Variants in ABR observed in about 807,000 individuals in gnomAD.
The protein encoded by ABR is active breakpoint cluster region-related protein.
In ABR, 35 loss-of-function variants were observed where a neutral mutation model predicts 107.2. The ratio of observed to expected loss-of-function variants is 0.33; its 90% confidence interval spans 0.25 to 0.43. ABR has a LOEUF of 0.43. Among genes scored for constraint, ABR ranks in the 20% least tolerant of loss-of-function variants. ABR has a pLI of 1.00. For missense variants in ABR, 815 were observed against 1,115.2 expected (o/e 0.73, Z 3.83); for synonymous variants, 498 against 462.0 (o/e 1.08, Z -1.00).
Position 1,125,337 on chromosome 17 carries a change from CCGT to C in ABR, c.89_91del (p.Asp30del), listed in dbSNP as rs1473492394. 3 of 1,613,784 alleles carry C rather than the reference CCGT, an allele frequency of 1.9e-6. No homozygotes were observed. Among genetic ancestry groups the C allele is most frequent in the Non-Finnish European group, 2.5e-6 (3 of 1,179,990 alleles). On this transcript the variant is annotated inframe_deletion, in exon 2 of 23. Coordinates refer to ENST00000302538, the MANE Select transcript of ABR (RefSeq NM_021962.5). ...CCCCTTCTGCTCCTCATTCCCCTCT[CCGT>C]CGTACTCGTCCGTCCCGTAGCTGAA...
chr17:1,130,732 G>A (rs948134652), intron 1 of ABR, among the ~76,000 whole-genome samples: 13 of 152,162 alleles, frequency 8.5e-5, no homozygotes, highest in Non-Finnish European at 1.9e-4. Context: ...TAACCGGTGG[G>A]TCCTAAATCC....
Position 1,210,002 on chromosome 17 carries a change from A to G in ABR, c.838+18791T>C, listed in dbSNP as rs1168060121. Among the ~76,000 whole-genome samples, 1 of 152,250 alleles carries G rather than the reference A, an allele frequency of 6.6e-6. No individual in the cohort carries two copies. Among genetic ancestry groups the G allele is most frequent in the African/African-American group, 2.4e-5 (1 of 41,460 alleles). On this transcript the variant is annotated intron_variant, in intron 1 of 22. Transcript: ENST00000574139. This position sits in a 1 kb window ranked among gnomAD's most constrained non-coding sequence, Gnocchi z 5.6. ...GCTGAAGAAAACAGATACATATGCC[A>G]AAGTGCCTTCAGAACCTCCAACAAA...
intron 1 of ABR, among the ~76,000 whole-genome samples, chr17:1,209,623 AC>A (rs2042864731): frequency 6.6e-6 from 1 of 150,658 alleles, no homozygotes; most frequent in African/African-American, 2.4e-5. Flanking sequence ...CCCAGAACTG[AC>A]CTCTCGTGGT....
At chr17:1,077,709 ACAAGGAGCTC>A (rs1405322663) in intron 6 of ABR, among the ~76,000 whole-genome samples, 1 of 152,282 alleles carries the variant, frequency 6.6e-6, no homozygotes, top group African/African-American at 2.4e-5. Flanking sequence ...TCAGCCTTCG[ACAAGGAGCTC>A]CAAGGAGCTC....
chr17:1,129,884 T>C lies in ABR; in HGVS notation c.62-4517A>G, dbSNP rs192851840. Among the ~76,000 whole-genome samples, 374 of 151,508 alleles carry C rather than the reference T, an allele frequency of 2.5e-3. 2 individuals are homozygous for C. The highest frequency in any genetic ancestry group is 0.017 in the Middle Eastern group (5 of 294). ...ACTGCTTGAACCCGGGAGGTGGGGG[T>C]TGTGATGAGCTGAGATTGCACCATT... On this transcript the variant is annotated intron_variant, in intron 1 of 22. Transcript: ENST00000302538.
chr17:1,167,511 C>T (rs931042424), intron 1 of ABR, among the ~76,000 whole-genome samples: 2 of 151,912 alleles, frequency 1.3e-5, no homozygotes, highest in South Asian at 2.1e-4. Context: ...GGGAGTAAGC[C>T]GAGGAGCTTT....
At chr17:1,049,110 A>C (rs1182943422) in intron 16 of ABR, among the ~76,000 whole-genome samples, 1 of 152,224 alleles carries the variant, frequency 6.6e-6, no homozygotes. Context: ...CAGGCTGCAC[A>C]CACAGAGGCC....
Position 1,070,992 on chromosome 17 carries a change from G to A in ABR, c.895-902C>T, listed in dbSNP as rs866080279. 8.5e-5 allele frequency among the ~76,000 whole-genome samples: 13 copies of A among 152,058 alleles called. No homozygotes were observed. Among genetic ancestry groups the A allele is most frequent in the African/African-American group, 3.1e-4 (13 of 41,384 alleles). ...AGCCTGGCCAACGTGGCGAAACCCC[G>A]TCTCTACTAAAAATACAAAAACTAG... is the stretch of plus-strand genomic sequence containing the variant. On this transcript the variant is annotated intron_variant, in intron 8 of 22. Coordinates refer to ENST00000302538, the MANE Select transcript of ABR (RefSeq NM_021962.5). This position sits in a 1 kb window ranked among gnomAD's most constrained non-coding sequence, Gnocchi z 4.2.
rs1414787180 is a variant in ABR at position 1,200,287 on chromosome 17, C to G, written c.838+28506G>C. 6.6e-6 allele frequency among the ~76,000 whole-genome samples: 1 copy of G among 152,084 alleles called. No individual in the cohort carries two copies. On this transcript the variant is annotated intron_variant, in intron 1 of 22. Coordinates refer to the ABR transcript ENST00000574139. The surrounding 1 kb of genome is among the most constrained non-coding windows in gnomAD (Gnocchi z 4.1). The stretch of plus-strand genomic sequence containing the variant: ...GGTCGGGGGCAGGCATGGTGACTCA[C>G]GCCTGTAATCCCAACACTTTCGGAC...
intron 16 of ABR, among the ~76,000 whole-genome samples, chr17:1,028,934 G>A (rs573261473): frequency 1.2e-4 from 19 of 152,096 alleles, no homozygotes; most frequent in African/African-American, 2.9e-4. Flanking sequence ...GGGATGCTGC[G>A]GGGGCAGGGT....
chr17:1,083,860 G>T, intron 4 of ABR: 1 of 502,610 alleles, frequency 2.0e-6, no homozygotes, highest in Non-Finnish European at 3.6e-6. Flanking sequence ...GTCTGGGGTT[G>T]GGGAGACCAG....
intron 16 of ABR, among the ~76,000 whole-genome samples, chr17:1,021,450 C>T (rs1441125358): frequency 6.6e-6 from 1 of 152,242 alleles, no homozygotes; most frequent in African/African-American, 2.4e-5. Flanking sequence ...ACCCTCTGAG[C>T]CCCGGCATCC....
chr17:1,070,848 A>G lies in ABR; in HGVS notation c.895-758T>C, dbSNP rs541044339. On this transcript the variant is annotated intron_variant, in intron 8 of 22. Coordinates refer to ENST00000302538, the MANE Select transcript of ABR (RefSeq NM_021962.5). This position sits in a 1 kb window ranked among gnomAD's most constrained non-coding sequence, Gnocchi z 4.2. Reference sequence around the variant, plus strand: ...CTACATCTGCTGTAATACGTAGGTGAGCGTATTCAAAGTATACAATTAAGA... The same window carrying G: ...CTACATCTGCTGTAATACGTAGGTGGGCGTATTCAAAGTATACAATTAAGA... 6.6e-6 allele frequency among the ~76,000 whole-genome samples: 1 copy of G among 152,286 alleles called. No individual in the cohort carries two copies. Among genetic ancestry groups the G allele is most frequent in the Admixed American group, 6.5e-5 (1 of 15,290 alleles).
At chr17:1,191,611 C>T (rs1036901349), upstream of ABR, among the ~76,000 whole-genome samples, 2 of 152,110 alleles carry the variant, frequency 1.3e-5, no homozygotes, top group African/African-American at 4.8e-5. Context: ...CTGCCTTGGC[C>T]TCCCAAAGTG....
Position 1,084,485 on chromosome 17 carries a change from C to G in ABR, c.532-858G>C, listed in dbSNP as rs972926521. Among the ~76,000 whole-genome samples the G allele has an allele frequency of 2.6e-5, 4 of 152,222 alleles. No individual in the cohort carries two copies. Among genetic ancestry groups the G allele is most frequent in the Non-Finnish European group, 1.5e-5 (1 of 68,042 alleles). On this transcript the variant is annotated intron_variant, in intron 4 of 22. Coordinates refer to ENST00000302538, the MANE Select transcript of ABR (RefSeq NM_021962.5). This position sits in a 1 kb window ranked among gnomAD's most constrained non-coding sequence, Gnocchi z 4.2. ...CTCTACCTCCAAGGAGCCAAAGCCC[C>G]AGCCTCACTACACGTTTGCCTGTCA...
At chr17:1,195,673 G>A (rs2042546048) in intron 1 of ABR, among the ~76,000 whole-genome samples, 1 of 151,328 alleles carries the variant, frequency 6.6e-6, no homozygotes, top group Non-Finnish European at 1.5e-5. Flanking sequence ...GCGTGGTGGT[G>A]GGCGCCTGTA....
intron 16 of ABR, among the ~76,000 whole-genome samples, chr17:1,025,786 T>C (rs527351469): frequency 6.6e-6 from 1 of 152,332 alleles, no homozygotes; most frequent in Admixed American, 6.5e-5. Context: ...GGCAAGGATC[T>C]CATTTGTTGA....
chr17:1,112,125 A>G (rs1175658992), intron 2 of ABR, among the ~76,000 whole-genome samples: 1 of 151,948 alleles, frequency 6.6e-6, no homozygotes, highest in Non-Finnish European at 1.5e-5. Context: ...GTACTTCCCC[A>G]CTTTGGCTCC....
At position 1,150,811 on chromosome 17, in the gene ABR, G is replaced by T. The variant is rs1317435729; in HGVS notation, c.62-25444C>A. On this transcript the variant is annotated intron_variant, in intron 1 of 22. Coordinates refer to ENST00000302538, the MANE Select transcript of ABR (RefSeq NM_021962.5). The surrounding 1 kb of genome is among the most constrained non-coding windows in gnomAD (Gnocchi z 4.8). ...ACAGACGCCGGACTCCCTAGGTTCTGCAAACCCAGCCATCAACACACAGAG... is the reference window on the plus strand; with the variant it reads ...ACAGACGCCGGACTCCCTAGGTTCTTCAAACCCAGCCATCAACACACAGAG... Among the ~76,000 whole-genome samples, 1 of 152,150 alleles carries T rather than the reference G, an allele frequency of 6.6e-6. No homozygotes were observed.
Sources: gnomAD v4.1 joint callset for allele counts (sites outside exome capture counted in the v4.1 genomes callset) on GRCh38, gnomAD v4.1.1 for gene constraint, Gnocchi (gnomAD v3.1) non-coding constraint, MANE v1.5 for transcripts, NCBI Gene and HGNC (gene_info 2026-07-23, HGNC 2026-07-21) for gene names.